Variants in ADAMTSL1 observed in about 807,000 individuals in gnomAD.
ADAMTSL1 encodes ADAMTS-like protein 1.
Under a neutral mutation model 201.8 loss-of-function variants are expected in ADAMTSL1, and 126 were observed. The observed-to-expected ratio is 0.62, with a 90% confidence interval of 0.54 to 0.72. ADAMTSL1 has a LOEUF of 0.72. Among genes scored for constraint, ADAMTSL1 ranks in the 30% least tolerant of loss-of-function variants. The probability of loss-of-function intolerance (pLI) is 0.00; values close to 1 mark genes in which losing one functional copy is unlikely to be tolerated. For missense variants in ADAMTSL1, 2,679 were observed against 2,277.8 expected, an observed-to-expected ratio of 1.18 and a Z score of -3.59; for synonymous variants, 1,121 against 903.4, an observed-to-expected ratio of 1.24 and a Z score of -4.32.
chr9:18,779,714 T>G (rs904671110), intron 19 of ADAMTSL1, among the ~76,000 whole-genome samples: 1 of 152,182 alleles, frequency 6.6e-6, no homozygotes, highest in African/African-American at 2.4e-5. Flanking sequence ...AAGATTTCAG[T>G]CGAGCCCTTT....
rs192965380 is a variant in ADAMTSL1 at position 18,056,526 on chromosome 9, G to C, written c.88-107336G>C. Among the ~76,000 whole-genome samples the C allele has an allele frequency of 4.2e-4, 64 of 152,240 alleles. No individual in the cohort carries two copies. The East Asian group carries it at 0.012, about 29-fold the overall frequency. On this transcript the variant is annotated intron_variant, in intron 1 of 29. Coordinates refer to the ADAMTSL1 transcript ENST00000680146. ...TGTTGGCACTCCCTTGCTCATCTCGGTATAAACAACACATAGGGAGACGGT... is the reference window on the plus strand; with the variant it reads ...TGTTGGCACTCCCTTGCTCATCTCGCTATAAACAACACATAGGGAGACGGT...
intron 1 of ADAMTSL1, among the ~76,000 whole-genome samples, chr9:18,068,243 T>G (rs7026997): frequency 0.013 from 2,005 of 152,240 alleles, 60 homozygotes; most frequent in African/African-American, 0.045. Context: ...CATATCTGTA[T>G]GTTATACATC....
chr9:18,187,919 T>C (rs1385142123), intron 2 of ADAMTSL1, among the ~76,000 whole-genome samples: 1 of 152,166 alleles, frequency 6.6e-6, no homozygotes. Flanking sequence ...TTTATTTAAA[T>C]GCCATTTATA....
intron 13 of ADAMTSL1, among the ~76,000 whole-genome samples, chr9:18,692,150 T>C (rs1005750370): frequency 4.6e-5 from 7 of 152,230 alleles, no homozygotes; most frequent in African/African-American, 1.7e-4. Flanking sequence ...AGCACCATAC[T>C]TTTAATTTAG....
intron 1 of ADAMTSL1, among the ~76,000 whole-genome samples, chr9:17,975,567 C>T (rs1017750161): frequency 6.6e-6 from 1 of 152,038 alleles, no homozygotes. Context: ...TAGGTTTCAT[C>T]ATGTGGATTT....
chr9:17,953,140 T>C (rs1439182030), intron 1 of ADAMTSL1, among the ~76,000 whole-genome samples: 1 of 151,998 alleles, frequency 6.6e-6, no homozygotes, highest in African/African-American at 2.4e-5. Context: ...ACATGACACA[T>C]TGTATTGCTA....
intron 1 of ADAMTSL1, among the ~76,000 whole-genome samples, chr9:18,150,214 A>T (rs562085315): frequency 5.9e-5 from 9 of 152,206 alleles, no homozygotes; most frequent in African/African-American, 2.2e-4. Flanking sequence ...TGGTAGAATA[A>T]GATAGTAGTG....
intron 1 of ADAMTSL1, among the ~76,000 whole-genome samples, chr9:17,931,353 C>G (rs180860045): frequency 1.3e-3 from 185 of 147,388 alleles, no homozygotes; most frequent in Non-Finnish European, 2.3e-3. Context: ...AGGTGGGCTG[C>G]TGAATTCTTT....
chr9:17,972,708 T>A (rs1818262997), intron 1 of ADAMTSL1, among the ~76,000 whole-genome samples: 1 of 150,906 alleles, frequency 6.6e-6, no homozygotes, highest in South Asian at 2.1e-4. Flanking sequence ...CAAATGGTAT[T>A]TCTAGTTCTA....
At chr9:18,100,448 G>A (rs1370982971) in intron 1 of ADAMTSL1, among the ~76,000 whole-genome samples, 1 of 152,034 alleles carries the variant, frequency 6.6e-6, no homozygotes, top group Non-Finnish European at 1.5e-5. Flanking sequence ...GACTTTAGAG[G>A]ATGGGCCACC....
chr9:18,622,163 A>G, intron 4 of ADAMTSL1, 80 bp from the exon 5 acceptor site: 1 of 1,555,582 alleles, frequency 6.4e-7, no homozygotes, highest in South Asian at 1.2e-5. Context: ...AGGGAGGGTT[A>G]TTTCATGGTG....
At chr9:18,609,651 G>T (rs1417661850) in intron 4 of ADAMTSL1, among the ~76,000 whole-genome samples, 1 of 152,074 alleles carries the variant, frequency 6.6e-6, no homozygotes, top group Non-Finnish European at 1.5e-5. Context: ...ACCCTTTATA[G>T]CTTCAGATGC....
intron 2 of ADAMTSL1, among the ~76,000 whole-genome samples, chr9:18,415,865 A>C (rs1587128749): frequency 6.6e-6 from 1 of 152,106 alleles, no homozygotes; most frequent in East Asian, 1.9e-4. Context: ...CTCCTTGGAA[A>C]CAATATATAC....
chr9:18,115,765 A>G (rs992409485), intron 1 of ADAMTSL1, among the ~76,000 whole-genome samples: 14 of 152,086 alleles, frequency 9.2e-5, no homozygotes, highest in Non-Finnish European at 1.9e-4. Context: ...TGATTTTACA[A>G]ATAGTGATGA....
At chr9:18,265,864 C>T (rs1371434683) in intron 2 of ADAMTSL1, among the ~76,000 whole-genome samples, 1 of 152,102 alleles carries the variant, frequency 6.6e-6, no homozygotes, top group Non-Finnish European at 1.5e-5. Flanking sequence ...GGCACAGGAT[C>T]AATGATGTTA....
intron 2 of ADAMTSL1, among the ~76,000 whole-genome samples, chr9:18,451,009 G>T (rs1487077041): frequency 6.6e-6 from 1 of 152,090 alleles, no homozygotes; most frequent in African/African-American, 2.4e-5. Context: ...ATTTGCTTGG[G>T]GTCCTGAGTT....
chr9:18,860,227 TG>T (rs919219217), intron 23 of ADAMTSL1, among the ~76,000 whole-genome samples: 1 of 152,236 alleles, frequency 6.6e-6, no homozygotes, highest in Non-Finnish European at 1.5e-5. Flanking sequence ...CTGCTTTCTT[TG>T]GGGGTAAAAA....
At chr9:17,961,551 T>G (rs534426662) in intron 1 of ADAMTSL1, among the ~76,000 whole-genome samples, 1 of 152,268 alleles carries the variant, frequency 6.6e-6, no homozygotes. Context: ...ACACCAGGCC[T>G]ATTTTTAAGA....
intron 19 of ADAMTSL1, among the ~76,000 whole-genome samples, chr9:18,789,911 T>A (rs1821925350): frequency 6.6e-6 from 1 of 152,224 alleles, no homozygotes; most frequent in Non-Finnish European, 1.5e-5. Context: ...CCACAATTTC[T>A]AGCTTCCAGT....
Sources: gnomAD v4.1 joint callset for allele counts (sites outside exome capture counted in the v4.1 genomes callset) on GRCh38, gnomAD v4.1.1 for gene constraint, MANE v1.5 for transcripts, NCBI Gene and HGNC (gene_info 2026-07-23, HGNC 2026-07-21) for gene names.